The following DGKB variants were observed in gnomAD, a reference collection of about 807,000 sequenced individuals.
DGKB encodes the protein 90 kDa diacylglycerol kinase.
Under a neutral mutation model 114.3 loss-of-function variants are expected in DGKB, and 67 were observed. The ratio of observed to expected loss-of-function variants is 0.59; its 90% confidence interval spans 0.48 to 0.72. The LOEUF (loss-of-function observed/expected upper bound fraction) is 0.72. Among genes scored for constraint, DGKB ranks in the 30% least tolerant of loss-of-function variants. The pLI, the probability that DGKB is intolerant of heterozygous loss-of-function variation, is 0.00. For synonymous variants in DGKB, 398 were observed against 323.1 expected (o/e 1.23, Z -2.49); for missense variants, 907 against 975.2 (o/e 0.93, Z 0.93).
chr7:14,470,265 G>A (rs1025370363), intron 21 of DGKB, among the ~76,000 whole-genome samples: 1 of 151,750 alleles, frequency 6.6e-6, no homozygotes, highest in Non-Finnish European at 1.5e-5. Context: ...CACTAAAAAT[G>A]ACAAACATTT....
intron 1 of DGKB, among the ~76,000 whole-genome samples, chr7:14,878,755 C>CAA (rs5882472): frequency 0.37 from 41,549 of 112,968 alleles, 7,719 homozygotes; most frequent in Non-Finnish European, 0.48. Context: ...TCTCAAAAAA[C>CAA]AAAAAAAAAA....
chr7:14,471,666 T>C (rs187901875), intron 21 of DGKB, among the ~76,000 whole-genome samples: 1 of 151,942 alleles, frequency 6.6e-6, no homozygotes, highest in East Asian at 2.0e-4. Context: ...TAAAAGGTAT[T>C]AATACCTCAA....
chr7:14,359,023 G>A (rs1031255558), intron 21 of DGKB, among the ~76,000 whole-genome samples: 1 of 152,000 alleles, frequency 6.6e-6, no homozygotes, highest in Non-Finnish European at 1.5e-5. Context: ...AACAAAGCTG[G>A]AAGCATCAGG....
In DGKB at chr7:14,685,315, G is replaced by A. The variant is rs375633729; in HGVS notation, c.759C>T (p.Asn253=). Residue 253 remains asparagine (N), a synonymous_variant, in exon 10 of 26, where the codon AAC becomes AAT. Coordinates refer to ENST00000402815, the MANE Select transcript of DGKB (RefSeq NM_001350709.2). ...GGCAAAGGTTGCAATAGGCAGGTTT[G>A]TTAAAGTGCTTCAGTCGCCACACGT... ...GQHVWRLKHF[N]KPAYCNLCLN... 1.5e-5 allele frequency: 24 copies of A among 1,613,866 alleles called. No individual in the cohort carries two copies. Among genetic ancestry groups the A allele is most frequent in the Non-Finnish European group, 2.0e-5 (24 of 1,179,806 alleles).
At chr7:14,456,066 G>A (rs1359647498) in intron 21 of DGKB, among the ~76,000 whole-genome samples, 1 of 151,920 alleles carries the variant, frequency 6.6e-6, no homozygotes, top group African/African-American at 2.4e-5. Flanking sequence ...TGCCACATGT[G>A]GAAAATTCAA....
chr7:14,691,886 T>C (rs910592410), intron 9 of DGKB, among the ~76,000 whole-genome samples: 2 of 150,786 alleles, frequency 1.3e-5, no homozygotes, highest in South Asian at 2.1e-4. Context: ...CTTAGATTTC[T>C]CCTATTTAGC....
intron 23 of DGKB, among the ~76,000 whole-genome samples, chr7:14,219,047 CT>C (rs1789492044): frequency 6.6e-6 from 1 of 151,880 alleles, no homozygotes; most frequent in Non-Finnish European, 1.5e-5. Context: ...TGATTTCCTT[CT>C]TTCACTTAGC....
rs373829323 is a variant in DGKB at position 14,149,126 on chromosome 7, C to T, written c.*5G>A. ...TTCAATTTCTAAGAGTGAAACAACA[C>T]AGGATTATTCCTTGCTTCGGTTTCT... is the stretch of plus-strand genomic sequence containing the variant. On this transcript the variant is annotated 3_prime_UTR_variant, in exon 26 of 26. Transcript: ENST00000402815. 1.2e-6 allele frequency: 2 copies of T among 1,611,456 alleles called. No homozygotes were observed. The highest frequency in any genetic ancestry group is 2.7e-5 in the African/African-American group (2 of 74,830).
chr7:14,339,311 T>C (rs1311830446), intron 22 of DGKB, among the ~76,000 whole-genome samples: 7 of 151,922 alleles, frequency 4.6e-5, no homozygotes, highest in Non-Finnish European at 5.9e-5. Context: ...CCTAAGGAGA[T>C]GTCAAAGGCC....
At chr7:14,803,132 GGA>G (rs1175076936) in intron 2 of DGKB, among the ~76,000 whole-genome samples, 3 of 151,766 alleles carry the variant, frequency 2.0e-5, no homozygotes, top group Admixed American at 2.0e-4. Context: ...TTTAGAGACA[GGA>G]TCTTATTATG....
intron 13 of DGKB, among the ~76,000 whole-genome samples, chr7:14,647,235 T>G (rs1158773756): frequency 1.3e-5 from 2 of 151,902 alleles, no homozygotes; most frequent in East Asian, 3.9e-4. Flanking sequence ...CCTGGAAAAC[T>G]TACAACCTGC....
At chr7:14,845,106 C>CAAAAAAAA (rs59367496) in intron 1 of DGKB, among the ~76,000 whole-genome samples, 125 of 89,202 alleles carry the variant, frequency 1.4e-3, no homozygotes, top group Non-Finnish European at 2.2e-3. Context: ...GGCCCTGTGT[C>CAAAAAAAA]AAAAAAAAAA....
At chr7:14,934,930 T>C (rs1785200768) in intron 1 of DGKB, among the ~76,000 whole-genome samples, 1 of 152,164 alleles carries the variant, frequency 6.6e-6, no homozygotes, top group Non-Finnish European at 1.5e-5. Flanking sequence ...TTTGCAGCCA[T>C]AATTCTACCT....
At chr7:14,744,565 T>C (rs1006235065) in intron 4 of DGKB, among the ~76,000 whole-genome samples, 4 of 152,228 alleles carry the variant, frequency 2.6e-5, no homozygotes, top group Non-Finnish European at 5.9e-5. Flanking sequence ...TGCTAACCCA[T>C]GGCTGGGCTG....
At chr7:14,766,457 C>T (rs1474613225) in intron 2 of DGKB, among the ~76,000 whole-genome samples, 1 of 151,656 alleles carries the variant, frequency 6.6e-6, no homozygotes, top group Non-Finnish European at 1.5e-5. Flanking sequence ...TAGATTTGAG[C>T]AATTGGAGGG....
intron 23 of DGKB, among the ~76,000 whole-genome samples, chr7:14,238,401 G>A (rs1295518325): frequency 2.0e-5 from 3 of 151,946 alleles, no homozygotes. Context: ...CCCCAGCCAT[G>A]TGGAATGGTG....
At chr7:14,816,077 T>A (rs1416112757) in intron 2 of DGKB, among the ~76,000 whole-genome samples, 2 of 152,170 alleles carry the variant, frequency 1.3e-5, no homozygotes, top group Non-Finnish European at 2.9e-5. Context: ...ACGTCTGTAA[T>A]CCCAGCACTT....
At chr7:14,453,506 C>T (rs1218709888) in intron 21 of DGKB, among the ~76,000 whole-genome samples, 2 of 152,120 alleles carry the variant, frequency 1.3e-5, no homozygotes, top group African/African-American at 4.8e-5. Flanking sequence ...AATTCCCATG[C>T]TACTTAAAAT....
intron 6 of DGKB, among the ~76,000 whole-genome samples, chr7:14,702,784 AT>A (rs1480332801): frequency 6.6e-6 from 1 of 152,124 alleles, no homozygotes; most frequent in Admixed American, 6.6e-5. Context: ...GTAGGTGATT[AT>A]TTTTGTATTT....
Sources: allele counts gnomAD v4.1 joint callset (sites outside exome capture counted in the v4.1 genomes callset), GRCh38; gene constraint gnomAD v4.1.1; transcripts MANE v1.5; gene names NCBI Gene and HGNC (gene_info 2026-07-23, HGNC 2026-07-21).